Variants in TXNRD2 observed in about 807,000 individuals in gnomAD.
The protein encoded by TXNRD2 is thioredoxin reductase 2, mitochondrial.
TXNRD2 carries 67 observed loss-of-function variants against 70.8 expected under a neutral mutation model. The ratio of observed to expected loss-of-function variants is 0.95; its 90% CI spans 0.78 to 1.16. TXNRD2 has a LOEUF of 1.16. Ranked by LOEUF, TXNRD2 falls within the 50% of genes most tolerant of loss-of-function variation. The probability of loss-of-function intolerance (pLI) is 0.00; values close to 1 mark genes in which losing one functional copy is unlikely to be tolerated. For missense variants in TXNRD2, 644 were observed against 719.9 expected, an observed-to-expected ratio of 0.89 and a Z score of 1.21; for synonymous variants, 301 against 295.8, an observed-to-expected ratio of 1.02 and a Z score of -0.18.
intron 2 of TXNRD2, among the ~76,000 whole-genome samples, chr22:19,928,190 T>C (rs968584880): frequency 6.6e-6 from 1 of 151,714 alleles, no homozygotes; most frequent in East Asian, 1.9e-4. Flanking sequence ...AAATAAGAGA[T>C]ATACCACACG....
intron 12 of TXNRD2, chr22:19,881,386 T>G: frequency 3.6e-6 from 1 of 280,244 alleles, no homozygotes. Context: ...CCTGACTAAC[T>G]ACGGAAACAT....
chr22:19,933,481 G>A lies in TXNRD2; in HGVS notation c.104-2383C>T, dbSNP rs542346754. ...TTCTTGTTGCCATAGCAGGGCCCTTGTTAGGTCATCCTGCCCTGCAGCCTC... is the reference window on the plus strand; with the variant it reads ...TTCTTGTTGCCATAGCAGGGCCCTTATTAGGTCATCCTGCCCTGCAGCCTC... On this transcript the variant is annotated intron_variant, in intron 1 of 17. Transcript: ENST00000400521. The A allele has an allele frequency of 5.4e-5, 69 of 1,289,676 alleles. No individual in the cohort carries two copies. The East Asian group carries it at 2.6e-3, about 48-fold the overall frequency. 79.9% of individuals were successfully genotyped at this position (1,289,676 alleles called of 1,614,324 possible).
chr22:19,876,256 G>C (rs1938501430), intron 17 of TXNRD2: 2 of 152,308 alleles, frequency 1.3e-5, no homozygotes, highest in South Asian at 2.1e-4. Context: ...TCAGCCCCGG[G>C]GGAGAGATGG....
At position 19,940,244 on chromosome 22, in the gene TXNRD2, CAA is replaced by C. The variant is rs141013808; in HGVS notation, c.103+1455_103+1456del. On this transcript the variant is annotated intron_variant, in intron 1 of 17. Transcript: ENST00000400521. ...TGGGCGACAGAGCAAGACACTGTCTCAAAAAAAAAAAAAAAAAAAAAACCCCA... is the reference window on the plus strand; with the variant it reads ...TGGGCGACAGAGCAAGACACTGTCTCAAAAAAAAAAAAAAAAAAAACCCCA... Among the ~76,000 whole-genome samples, 594 of 68,456 alleles carry C rather than the reference CAA, an allele frequency of 8.7e-3. 3 individuals are homozygous for C. The highest frequency in any genetic ancestry group is 0.034 in the African/African-American group (550 of 16,184). 44.9% of individuals were successfully genotyped at this position (68,456 alleles called of 152,430 possible). A position where few individuals can be genotyped will look rare whatever the true frequency, so the allele number is the denominator to read the frequency against.
chr22:19,886,732 T>C (rs899365577), intron 11 of TXNRD2, among the ~76,000 whole-genome samples: 2 of 152,234 alleles, frequency 1.3e-5, no homozygotes, highest in Admixed American at 6.5e-5. Flanking sequence ...GGCCTCCCCA[T>C]GGGGCGGCTC....
chr22:19,930,960 G>T, intron 2 of TXNRD2, 70 bp downstream of exon 2: 1 of 1,452,512 alleles, frequency 6.9e-7, no homozygotes, highest in Non-Finnish European at 9.7e-7. Flanking sequence ...GACGTTTTCT[G>T]GACAGCACCA....
chr22:19,937,676 T>C (rs1204772586), intron 1 of TXNRD2, among the ~76,000 whole-genome samples: 1 of 152,174 alleles, frequency 6.6e-6, no homozygotes, highest in African/African-American at 2.4e-5. Flanking sequence ...GCTATAATTG[T>C]GGCCAACTTG....
intron 8 of TXNRD2, among the ~76,000 whole-genome samples, chr22:19,907,376 G>A (rs529039849): frequency 3.3e-4 from 6 of 18,314 alleles, no homozygotes; most frequent in African/African-American, 1.5e-3. Flanking sequence ...TGTGGGCACC[G>A]TGGGTAGCAG....
intron 11 of TXNRD2, among the ~76,000 whole-genome samples, chr22:19,892,030 T>C (rs997334759): frequency 1.5e-4 from 23 of 152,188 alleles, no homozygotes; most frequent in African/African-American, 5.5e-4. Context: ...GTGCAGCACC[T>C]GGGCCCCTTC....
At chr22:19,883,581 T>C in intron 11 of TXNRD2, 120 bp from the exon 12 acceptor site, 1 of 1,418,690 alleles carries the variant, frequency 7.0e-7, no homozygotes, top group Non-Finnish European at 9.8e-7. Context: ...CTCCTGCCTG[T>C]AATCCCAGCA....
chr22:19,933,360 G>T, intron 1 of TXNRD2: 1 of 1,066,642 alleles, frequency 9.4e-7, no homozygotes, highest in Non-Finnish European at 1.3e-6. Flanking sequence ...CGGGGAGCAT[G>T]AACCTGCTGA....
intron 16 of TXNRD2, 84 bp from the exon 17 acceptor site, chr22:19,877,318 C>T: frequency 7.7e-7 from 1 of 1,305,080 alleles, no homozygotes; most frequent in Non-Finnish European, 1.1e-6. Flanking sequence ...AGAGGAGGGC[C>T]TCAGAGGCTG....
chr22:19,902,910 A>G, intron 8 of TXNRD2: 1 of 517,756 alleles, frequency 1.9e-6, no homozygotes, highest in Non-Finnish European at 3.9e-6. Flanking sequence ...GTGCTTAGGA[A>G]GAGAGAAAAA....
At chr22:19,937,600 T>C (rs1601491978) in intron 1 of TXNRD2, among the ~76,000 whole-genome samples, 1 of 152,318 alleles carries the variant, frequency 6.6e-6, no homozygotes, top group South Asian at 2.1e-4. Flanking sequence ...CACAGAGCTA[T>C]TCTGTGGGCA....
chr22:19,925,024 C>T (rs916112630), intron 2 of TXNRD2, among the ~76,000 whole-genome samples: 3 of 151,120 alleles, frequency 2.0e-5, no homozygotes, highest in African/African-American at 4.9e-5. Context: ...GTGGCTCACG[C>T]CTGTAATCCC....
rs1027188350 is a variant in TXNRD2 at position 19,883,612 on chromosome 22, C to T, written c.950-151G>A. 6 of 1,094,230 alleles carry T rather than the reference C, an allele frequency of 5.5e-6. No homozygotes were observed. The African/African-American group carries it at 7.7e-5, about 14-fold the overall frequency. 67.8% of individuals were successfully genotyped at this position (1,094,230 alleles called of 1,614,324 possible). ...CAGCACTGTAGGAGGACGAGGTGGG[C>T]AAATCACCTGAGGTCATGAGTTCGA... On this transcript the variant is annotated intron_variant, in intron 11 of 17. Transcript: ENST00000400521.
intron 1 of TXNRD2, among the ~76,000 whole-genome samples, chr22:19,932,876 T>C (rs1202400791): frequency 1.3e-5 from 2 of 152,198 alleles, no homozygotes; most frequent in Non-Finnish European, 2.9e-5. Flanking sequence ...GCTGCACTTA[T>C]CTTTGCAGCC....
intron 8 of TXNRD2, 23 bp from the exon 9 acceptor site, chr22:19,899,091 G>A (rs1179401033): frequency 1.2e-6 from 2 of 1,607,048 alleles, no homozygotes; most frequent in Non-Finnish European, 1.7e-6. Context: ...CAGAGAGAGA[G>A]CACATGTAAA....
Position 19,922,511 on chromosome 22 carries a change from T to C in TXNRD2, c.173-2912A>G, listed in dbSNP as rs151318582. Among the ~76,000 whole-genome samples, 23 of 152,360 alleles carry C rather than the reference T, an allele frequency of 1.5e-4. No individual in the cohort carries two copies. In the East Asian group the frequency reaches 4.4e-3, roughly 29 times the overall value. ...AACAAACCTTTCTCACAGAACACTG[T>C]TCCTCCTTCAGTGTTCAAGATCCCA... On this transcript the variant is annotated intron_variant, in intron 2 of 17. Transcript: ENST00000400521.
Sources: allele counts gnomAD v4.1 joint callset (sites outside exome capture counted in the v4.1 genomes callset), GRCh38; gene constraint gnomAD v4.1.1; transcripts MANE v1.5; gene names NCBI Gene and HGNC (gene_info 2026-07-23, HGNC 2026-07-21).